The following MGA variants were observed in gnomAD, a reference collection of about 807,000 sequenced individuals.
MGA encodes the protein MAX gene-associated protein.
MGA carries 40 observed loss-of-function variants against 261.1 expected under a neutral mutation model. The observed-to-expected ratio is 0.15, with a 90% CI of 0.12 to 0.20. The LOEUF is 0.20. MGA is among the 10% of genes least tolerant of loss of function. The pLI, the probability that MGA is intolerant of heterozygous loss-of-function variation, is 1.00. For missense variants in MGA, 3,397 were observed against 3,630.5 expected (o/e 0.94, Z 1.65); for synonymous variants, 1,302 against 1,290.6 (o/e 1.01, Z -0.19).
chr15:41,726,184 C>G, intron 9 of MGA, among the ~76,000 whole-genome samples: 1 of 152,086 alleles, frequency 6.6e-6, no homozygotes, highest in East Asian at 1.9e-4. Flanking sequence ...ACAGCTTGGT[C>G]TCTGGAGCCA....
chr15:41,756,313 A>T (rs1176601773), intron 18 of MGA, among the ~76,000 whole-genome samples: 1 of 152,224 alleles, frequency 6.6e-6, no homozygotes, highest in Non-Finnish European at 1.5e-5. Context: ...AAACACATGT[A>T]CATTTGTTCA....
In MGA at chr15:41,766,980, C is replaced by G; in HGVS notation, c.8898C>G (p.Thr2966=). ...CCGAAAGTGTGTCCTCACCCCCCAC[C>G]CTACACATGAAGACTGGCTTGGAGA... Residue 2966 remains threonine, a synonymous_variant, in exon 24 of 24, where the codon ACC becomes ACG. Coordinates refer to ENST00000219905, the MANE Select transcript of MGA (RefSeq NM_001164273.2). The G allele has an allele frequency of 6.2e-7, 1 of 1,613,998 alleles. No individual in the cohort carries two copies.
intron 14 of MGA, 133 bp downstream of exon 14, chr15:41,740,336 C>A: frequency 9.7e-7 from 1 of 1,027,350 alleles, no homozygotes; most frequent in Non-Finnish European, 1.4e-6. Flanking sequence ...GTCTGTCTTG[C>A]CTGGACTTTT....
chr15:41,635,333 C>T (rs1019453764), intron 1 of MGA, among the ~76,000 whole-genome samples: 1 of 149,490 alleles, frequency 6.7e-6, no homozygotes, highest in East Asian at 2.0e-4. Flanking sequence ...GACTCTGTCT[C>T]AAATAAATAA....
At chr15:41,677,713 CACATTTATTT>C (rs1298225030) in intron 2 of MGA, among the ~76,000 whole-genome samples, 1 of 152,082 alleles carries the variant, frequency 6.6e-6, no homozygotes, top group Non-Finnish European at 1.5e-5. Context: ...GGCATTTTTT[CACATTTATTT>C]ACCATTTGTA....
chr15:41,644,737 G>T (rs2056901013), intron 1 of MGA, among the ~76,000 whole-genome samples: 1 of 152,148 alleles, frequency 6.6e-6, no homozygotes, highest in Non-Finnish European at 1.5e-5. Flanking sequence ...TAAAGTTGGA[G>T]TATATACCAT....
Position 41,681,399 on chromosome 15 carries a change from GT to G in MGA, c.1064+11456del, listed in dbSNP as rs397967721. Among the ~76,000 whole-genome samples the G allele has an allele frequency of 2.1e-3, 289 of 136,134 alleles. 2 individuals are homozygous for G. The highest frequency in any genetic ancestry group is 4.4e-3 in the African/African-American group (160 of 36,722). The allele number at this position is 136,134 out of a possible 152,430, so 89.3% of individuals were successfully genotyped here. A position where few individuals can be genotyped will look rare whatever the true frequency, so the allele number is the denominator to read the frequency against. ...TTTTTAAATCCTTGTAGTATACTCT[GT>G]TTTTTTTTTTTTTTAATTCTGTTAG... On this transcript the variant is annotated intron_variant, in intron 2 of 23. Transcript: ENST00000219905.
intron 9 of MGA, among the ~76,000 whole-genome samples, chr15:41,716,627 G>C (rs1489312783): frequency 1.3e-5 from 2 of 152,114 alleles, no homozygotes; most frequent in South Asian, 2.1e-4. Flanking sequence ...TTTGCAAAAA[G>C]ATAGGTGGAA....
At chr15:41,700,256 C>T (rs1048971924) in intron 5 of MGA, among the ~76,000 whole-genome samples, 48 of 151,898 alleles carry the variant, frequency 3.2e-4, no homozygotes, top group African/African-American at 1.1e-3. Flanking sequence ...CTGTGTTAAC[C>T]AGGATGGTCT....
intron 20 of MGA, among the ~76,000 whole-genome samples, chr15:41,761,365 A>T (rs933143363): frequency 6.6e-6 from 1 of 152,252 alleles, no homozygotes; most frequent in Non-Finnish European, 1.5e-5. Flanking sequence ...GTACAGGATA[A>T]GCATTCATAT....
intron 19 of MGA, among the ~76,000 whole-genome samples, chr15:41,759,065 A>G (rs1259773471): frequency 6.6e-6 from 1 of 152,212 alleles, no homozygotes; most frequent in East Asian, 1.9e-4. Flanking sequence ...AAAGGGAAGG[A>G]TACAGGTGCT....
chr15:41,624,871 G>A (rs1459330095), intron 1 of MGA, among the ~76,000 whole-genome samples: 5 of 152,288 alleles, frequency 3.3e-5, no homozygotes, highest in East Asian at 3.9e-4. Context: ...GGCCAGGCAC[G>A]TGGCTCATGT....
At chr15:41,748,608 G>T (rs761013511) in intron 15 of MGA, 29 bp from the exon 16 acceptor site, 1 of 1,599,438 alleles carries the variant, frequency 6.3e-7, no homozygotes, top group South Asian at 1.1e-5. Flanking sequence ...GGGAATTTGG[G>T]TACCATGTTT....
intron 2 of MGA, among the ~76,000 whole-genome samples, chr15:41,671,540 G>T (rs1035038021): frequency 6.6e-6 from 1 of 151,940 alleles, no homozygotes; most frequent in Admixed American, 6.6e-5. Flanking sequence ...TGTTGGCCAG[G>T]CTGGTCTCAA....
At chr15:41,628,392 A>G (rs1366234588) in intron 1 of MGA, among the ~76,000 whole-genome samples, 2 of 148,886 alleles carry the variant, frequency 1.3e-5, no homozygotes, top group Non-Finnish European at 3.0e-5. Flanking sequence ...AAAAAAAGCT[A>G]TGAAGAAAAC....
At chr15:41,686,958 G>T (rs1399677489) in intron 2 of MGA, among the ~76,000 whole-genome samples, 1 of 151,804 alleles carries the variant, frequency 6.6e-6, no homozygotes, top group Non-Finnish European at 1.5e-5. Flanking sequence ...TAGCAGTAGG[G>T]TTATGGTTAC....
chr15:41,729,881 T>C (rs890594797), intron 11 of MGA, among the ~76,000 whole-genome samples: 1 of 152,048 alleles, frequency 6.6e-6, no homozygotes, highest in Non-Finnish European at 1.5e-5. Context: ...TTTTTTGTTA[T>C]AATAATCTTT....
chr15:41,680,133 C>T (rs1335494321), intron 2 of MGA, among the ~76,000 whole-genome samples: 1 of 152,212 alleles, frequency 6.6e-6, no homozygotes, highest in Non-Finnish European at 1.5e-5. Flanking sequence ...ACTGCCTGAC[C>T]ATGGTCCTAC....
At chr15:41,689,298 C>T (rs868044865) in intron 2 of MGA, among the ~76,000 whole-genome samples, 2 of 150,392 alleles carry the variant, frequency 1.3e-5, no homozygotes, top group Non-Finnish European at 3.0e-5. Flanking sequence ...CTTCCCTTAC[C>T]CTCTCTCCCT....
Sources: gnomAD v4.1 joint callset for allele counts (sites outside exome capture counted in the v4.1 genomes callset) on GRCh38, gnomAD v4.1.1 for gene constraint, MANE v1.5 for transcripts, NCBI Gene and HGNC (gene_info 2026-07-23, HGNC 2026-07-21) for gene names.